The following RELN variants were observed in gnomAD, a reference collection of about 807,000 sequenced individuals.
The protein encoded by RELN is reelin.
RELN carries 108 observed loss-of-function variants against 427.6 expected under a neutral mutation model. The ratio of observed to expected loss-of-function variants is 0.25; its 90% CI spans 0.22 to 0.30. RELN has a LOEUF of 0.30. RELN is among the 10% of genes least tolerant of loss of function. The pLI is 1.00. For synonymous variants in RELN, 1,524 were observed against 1,513.4 expected, an observed-to-expected ratio of 1.01 and a Z score of -0.16; for missense variants, 3,715 against 4,302.8, an observed-to-expected ratio of 0.86 and a Z score of 3.82.
chr7:103,590,386 AC>A (rs1430235748), intron 27 of RELN, among the ~76,000 whole-genome samples: 1 of 151,818 alleles, frequency 6.6e-6, no homozygotes, highest in Non-Finnish European at 1.5e-5. Context: ...AGATGGTAAA[AC>A]CCTGTCTCTA....
In RELN at chr7:103,539,068, G is replaced by A; in HGVS notation, c.7180+10C>T. 6.2e-7 allele frequency: 1 copy of A among 1,613,584 alleles called. No homozygotes were observed. Among genetic ancestry groups the A allele is most frequent in the Non-Finnish European group, 8.5e-7 (1 of 1,179,912 alleles). On this transcript the variant is annotated intron_variant, in intron 45 of 64. Coordinates refer to ENST00000428762, the MANE Select transcript of RELN (RefSeq NM_005045.4). Reference sequence around the variant, plus strand: ...ATGCCTGTCCCTCTATCTGGAGACGGCATACTCACCATAACAAGAGTCTGT... The same window carrying A: ...ATGCCTGTCCCTCTATCTGGAGACGACATACTCACCATAACAAGAGTCTGT...
intron 28 of RELN, among the ~76,000 whole-genome samples, chr7:103,588,523 T>C (rs2117236720): frequency 6.6e-6 from 1 of 152,282 alleles, no homozygotes; most frequent in East Asian, 1.9e-4. Flanking sequence ...TGTACTCAAG[T>C]GATGGACACC....
At chr7:103,526,609 A>G (rs1224647478) in intron 46 of RELN, among the ~76,000 whole-genome samples, 4 of 152,196 alleles carry the variant, frequency 2.6e-5, no homozygotes, top group Non-Finnish European at 5.9e-5. Flanking sequence ...TTCACTAAGA[A>G]CTGGAATATA....
In RELN at chr7:103,948,283, G is replaced by GCA. The variant is rs150377971; in HGVS notation, c.227-31100_227-31099dup. ...TCTAGGTGCTGGTGAACACACACATGCACACACACACATATACTTACTTCA... is the reference window on the plus strand; with the variant it reads ...TCTAGGTGCTGGTGAACACACACATGCACACACACACACATATACTTACTTCA... On this transcript the variant is annotated intron_variant, in intron 1 of 64. Coordinates refer to ENST00000428762, the MANE Select transcript of RELN (RefSeq NM_005045.4). 2.0e-3 allele frequency among the ~76,000 whole-genome samples: 303 copies of GCA among 152,002 alleles called. 1 individual carries two copies. The highest frequency in any genetic ancestry group is 5.6e-3 in the East Asian group (29 of 5,182).
rs1827871346 is a variant in RELN, at chr7:103,471,848, G to C, written c.*964C>G. On this transcript the variant is annotated 3_prime_UTR_variant, in exon 65 of 65. Coordinates refer to ENST00000428762, the MANE Select transcript of RELN (RefSeq NM_005045.4). The stretch of plus-strand genomic sequence containing the variant: ...CTTTTATAGCTTGGTTCACCCTAGA[G>C]TGCAACCTTTCAGTTACACAAATAG... The C allele has an allele frequency of 1.3e-5, 2 of 152,538 alleles. No homozygotes were observed. 9.4% of individuals were successfully genotyped at this position (152,538 alleles called of 1,614,324 possible).
chr7:103,971,475 C>G (rs1796764183), intron 1 of RELN, among the ~76,000 whole-genome samples: 1 of 152,072 alleles, frequency 6.6e-6, no homozygotes, highest in Non-Finnish European at 1.5e-5. Context: ...AGTAATGAGA[C>G]AGAAAATTAT....
At chr7:103,880,290 A>C (rs1405039381) in intron 2 of RELN, among the ~76,000 whole-genome samples, 2 of 152,142 alleles carry the variant, frequency 1.3e-5, no homozygotes, top group African/African-American at 4.8e-5. Context: ...AAAGGTTTAA[A>C]ACATAGAATA....
chr7:103,726,951 G>C (rs1027283169), intron 7 of RELN, among the ~76,000 whole-genome samples: 3 of 152,026 alleles, frequency 2.0e-5, no homozygotes, highest in Non-Finnish European at 4.4e-5. Flanking sequence ...AATTCTGTTT[G>C]TGTTGTAATT....
chr7:103,855,583 C>T (rs1216987734), intron 2 of RELN, among the ~76,000 whole-genome samples: 1 of 152,110 alleles, frequency 6.6e-6, no homozygotes, highest in African/African-American at 2.4e-5. Flanking sequence ...TTGCTTTATG[C>T]CATTTATTAG....
chr7:103,801,025 A>T (rs972518428), intron 3 of RELN, among the ~76,000 whole-genome samples: 25 of 152,214 alleles, frequency 1.6e-4, no homozygotes, highest in African/African-American at 5.8e-4. Context: ...TCAAAACCAC[A>T]ATGAGATACC....
chr7:103,985,092 T>A (rs527942078), intron 1 of RELN, among the ~76,000 whole-genome samples: 1 of 152,338 alleles, frequency 6.6e-6, no homozygotes, highest in Non-Finnish European at 1.5e-5. Context: ...ACCTTTCTTT[T>A]AAGTAAATGT....
chr7:103,838,183 T>G (rs1584283799), intron 2 of RELN, among the ~76,000 whole-genome samples: 1 of 114,220 alleles, frequency 8.8e-6, no homozygotes, highest in South Asian at 2.9e-4. Flanking sequence ...CACTCCAGCC[T>G]GGGCGACAGA....
intron 1 of RELN, among the ~76,000 whole-genome samples, chr7:103,965,626 C>T (rs1369166480): frequency 2.6e-5 from 4 of 152,096 alleles, no homozygotes; most frequent in East Asian, 1.9e-4. Flanking sequence ...ATTTGGGCAT[C>T]GAAAATTAAC....
intron 3 of RELN, among the ~76,000 whole-genome samples, chr7:103,804,443 A>G (rs1792547030): frequency 1.3e-5 from 2 of 152,146 alleles, no homozygotes; most frequent in Non-Finnish European, 2.9e-5. Context: ...TGCCTGTTAT[A>G]CTATGCAGGT....
chr7:103,502,904 A>G, intron 52 of RELN, 112 bp downstream of exon 52: 5 of 905,390 alleles, frequency 5.5e-6, no homozygotes, highest in Non-Finnish European at 9.0e-6. Flanking sequence ...AGTTAGGGAG[A>G]AAGAAAGCAC....
At chr7:103,753,262 C>T (rs1219456031) in intron 4 of RELN, 48 bp from the exon 5 acceptor site, 1 of 1,594,846 alleles carries the variant, frequency 6.3e-7, no homozygotes, top group Non-Finnish European at 8.6e-7. Context: ...GGAATGAAAG[C>T]AAAATCCAGT....
chr7:103,518,235 G>T (rs145803445), intron 49 of RELN, among the ~76,000 whole-genome samples: 103 of 151,182 alleles, frequency 6.8e-4, no homozygotes, highest in African/African-American at 2.4e-3. Flanking sequence ...CTGATATATT[G>T]AATTTAAATG....
At chr7:103,625,584 T>A (rs1413688504) in intron 20 of RELN, among the ~76,000 whole-genome samples, 1 of 152,212 alleles carries the variant, frequency 6.6e-6, no homozygotes, top group African/African-American at 2.4e-5. Flanking sequence ...AGGTATTTGC[T>A]ATCTATGATC....
intron 63 of RELN, among the ~76,000 whole-genome samples, chr7:103,482,492 C>G (rs1438479706): frequency 7.2e-5 from 11 of 152,198 alleles, no homozygotes; most frequent in African/African-American, 2.7e-4. Flanking sequence ...TAGCTAGTAA[C>G]ACTTCAGACA....
Sources: gnomAD v4.1 joint callset for allele counts (sites outside exome capture counted in the v4.1 genomes callset) on GRCh38, gnomAD v4.1.1 for gene constraint, MANE v1.5 for transcripts, NCBI Gene and HGNC (gene_info 2026-07-23, HGNC 2026-07-21) for gene names.